SNTG1: variants seen among roughly 807,000 people sequenced by gnomAD.
The protein encoded by SNTG1 is gamma-1-syntrophin.
In SNTG1, 39 loss-of-function variants were observed where a neutral mutation model predicts 74.7. The observed-to-expected ratio is 0.52, with a 90% CI of 0.40 to 0.68. The LOEUF is 0.68. SNTG1 is among the 30% of genes least tolerant of loss of function. The probability of loss-of-function intolerance (pLI) is 0.00; values close to 1 mark genes in which losing one functional copy is unlikely to be tolerated. For missense variants in SNTG1, 685 were observed against 609.5 expected (o/e 1.12, Z -1.30); for synonymous variants, 254 against 217.1 (o/e 1.17, Z -1.49).
chr8:49,982,026 T>C (rs374043961), intron 1 of SNTG1, among the ~76,000 whole-genome samples: 12 of 152,188 alleles, frequency 7.9e-5, no homozygotes, highest in African/African-American at 2.6e-4. Context: ...GAGAAAACAA[T>C]AGCTTTAAAA....
intron 2 of SNTG1, among the ~76,000 whole-genome samples, chr8:50,324,532 T>G (rs930683295): frequency 1.1e-4 from 17 of 152,198 alleles, no homozygotes; most frequent in Non-Finnish European, 1.2e-4. Context: ...GTAGGAGGGA[T>G]GAACAGTACT....
At chr8:50,134,075 C>T (rs778889547) in intron 1 of SNTG1, among the ~76,000 whole-genome samples, 34 of 152,162 alleles carry the variant, frequency 2.2e-4, no homozygotes, top group Non-Finnish European at 4.4e-4. Flanking sequence ...GGGGCAGGGG[C>T]TGCCAAGATT....
chr8:50,543,922 A>G (rs1233513103), intron 11 of SNTG1, among the ~76,000 whole-genome samples: 2 of 152,222 alleles, frequency 1.3e-5, no homozygotes, highest in Non-Finnish European at 2.9e-5. Flanking sequence ...TTTGCATATT[A>G]TAATGACATT....
At chr8:50,173,164 A>T (rs1450954175) in intron 2 of SNTG1, among the ~76,000 whole-genome samples, 1 of 152,096 alleles carries the variant, frequency 6.6e-6, no homozygotes, top group South Asian at 2.1e-4. Context: ...ATGAGGTGAA[A>T]TTAGTACAAT....
intron 4 of SNTG1, among the ~76,000 whole-genome samples, chr8:50,427,724 G>A (rs955284105): frequency 1.3e-5 from 2 of 152,146 alleles, no homozygotes; most frequent in Admixed American, 1.3e-4. Flanking sequence ...ACTGCACCCA[G>A]CCTCAAATAC....
intron 15 of SNTG1, among the ~76,000 whole-genome samples, chr8:50,683,969 T>C (rs985739908): frequency 6.6e-6 from 1 of 152,330 alleles, no homozygotes; most frequent in African/African-American, 2.4e-5. Flanking sequence ...TAAGCTGCTA[T>C]GTGAGGATAA....
At chr8:50,391,581 C>G (rs2092661289) in intron 2 of SNTG1, among the ~76,000 whole-genome samples, 1 of 152,088 alleles carries the variant, frequency 6.6e-6, no homozygotes, top group Non-Finnish European at 1.5e-5. Context: ...TGATGCTGGC[C>G]TCATAAAATG....
chr8:50,085,912 G>A (rs1442792036), intron 1 of SNTG1, among the ~76,000 whole-genome samples: 1 of 152,102 alleles, frequency 6.6e-6, no homozygotes, highest in Non-Finnish European at 1.5e-5. Context: ...CCTTGTCAAT[G>A]GTATCTTTTA....
chr8:50,014,745 G>T (rs1189641553), intron 1 of SNTG1, among the ~76,000 whole-genome samples: 3 of 152,040 alleles, frequency 2.0e-5, no homozygotes, highest in Admixed American at 6.6e-5. Flanking sequence ...TGTTTAAGGT[G>T]TGACTCCTAG....
At chr8:50,227,012 A>G (rs2085361599) in intron 2 of SNTG1, among the ~76,000 whole-genome samples, 1 of 152,214 alleles carries the variant, frequency 6.6e-6, no homozygotes, top group Non-Finnish European at 1.5e-5. Flanking sequence ...CTAATGGGTA[A>G]AGAATTTGGA....
At chr8:50,101,805 G>A (rs943821683) in intron 1 of SNTG1, among the ~76,000 whole-genome samples, 55 of 151,868 alleles carry the variant, frequency 3.6e-4, no homozygotes, top group African/African-American at 1.3e-3. Context: ...GAGAACATGC[G>A]GTGTTTGGTT....
intron 1 of SNTG1, among the ~76,000 whole-genome samples, chr8:50,153,590 G>A (rs2082149018): frequency 6.6e-6 from 1 of 152,122 alleles, no homozygotes; most frequent in East Asian, 1.9e-4. Flanking sequence ...TGGTGCGGAT[G>A]TCCTTTCTGT....
At position 50,462,314 on chromosome 8, in the gene SNTG1, T is replaced by A. The variant is rs145430126; in HGVS notation, c.363+11585T>A. On this transcript the variant is annotated intron_variant, in intron 8 of 18. Transcript: ENST00000642720. ...ATTATTTCTTAAAAATGTACATAAC[T>A]TAATTAAAAATATTTAATTGCTAAA... Among the ~76,000 whole-genome samples the A allele has an allele frequency of 2.3e-4, 35 of 150,596 alleles. 1 individual carries two copies. The highest frequency in any genetic ancestry group is 7.3e-4 in the Admixed American group (11 of 14,990).
At chr8:50,001,846 G>A (rs2130455117) in intron 1 of SNTG1, among the ~76,000 whole-genome samples, 1 of 152,258 alleles carries the variant, frequency 6.6e-6, no homozygotes, top group South Asian at 2.1e-4. Flanking sequence ...ACAAATATCA[G>A]TGTATTTGAT....
At chr8:50,004,923 T>TTGCACTGC (rs753462588) in intron 1 of SNTG1, among the ~76,000 whole-genome samples, 1 of 152,202 alleles carries the variant, frequency 6.6e-6, no homozygotes, top group Non-Finnish European at 1.5e-5. Flanking sequence ...TGTAAGATTA[T>TTGCACTGC]TGCACTGCTG....
At chr8:50,593,929 C>T (rs2046354) in intron 13 of SNTG1, among the ~76,000 whole-genome samples, 4 of 151,628 alleles carry the variant, frequency 2.6e-5, no homozygotes, top group Non-Finnish European at 5.9e-5. Flanking sequence ...TGTTGGCCAG[C>T]CTGGTCTCAA....
At chr8:50,041,705 A>G (rs572121670) in intron 1 of SNTG1, among the ~76,000 whole-genome samples, 1 of 152,302 alleles carries the variant, frequency 6.6e-6, no homozygotes, top group South Asian at 2.1e-4. Context: ...AAGCGACAAC[A>G]TCCCCTTTTG....
chr8:50,396,644 T>C (rs1183492262), intron 3 of SNTG1, among the ~76,000 whole-genome samples: 2 of 152,244 alleles, frequency 1.3e-5, no homozygotes, highest in Non-Finnish European at 1.5e-5. Flanking sequence ...TCCATTTTAT[T>C]ATCTCTGCCT....
intron 2 of SNTG1, among the ~76,000 whole-genome samples, chr8:50,329,838 G>T (rs921554547): frequency 3.9e-5 from 6 of 151,956 alleles, no homozygotes; most frequent in African/African-American, 1.5e-4. Flanking sequence ...GCATCGTCAG[G>T]TTGCAAATTT....
Sources: allele counts gnomAD v4.1 joint callset (sites outside exome capture counted in the v4.1 genomes callset), GRCh38; gene constraint gnomAD v4.1.1; transcripts MANE v1.5; gene names NCBI Gene and HGNC (gene_info 2026-07-23, HGNC 2026-07-21).